KCNC3: variants seen among roughly 807,000 people sequenced by gnomAD.
KCNC3 encodes potassium voltage-gated channel subfamily C member 3.
In KCNC3, 22 loss-of-function variants were observed where a neutral mutation model predicts 43.9. That is an observed-to-expected ratio of 0.50 (90% CI 0.36 to 0.72). The LOEUF (loss-of-function observed/expected upper bound fraction) is 0.72. Among genes scored for constraint, KCNC3 ranks in the 30% least tolerant of loss-of-function variants. The pLI is 0.00. For synonymous variants in KCNC3, 492 were observed against 488.0 expected (o/e 1.01, Z -0.11); for missense variants, 829 against 1,073.8 (o/e 0.77, Z 3.19).
chr19:50,333,480 A>AC (rs1231063390), upstream of KCNC3: 2 of 198,170 alleles, frequency 1.0e-5, no homozygotes, highest in South Asian at 7.7e-5. Flanking sequence ...AATTACAGCC[A>AC]CCCCCGACTG....
At position 50,317,206 on chromosome 19, in the gene KCNC3, G is replaced by A. The variant is rs904620688; in HGVS notation, c.*24-1115C>T. Among the ~76,000 whole-genome samples, 12 of 147,034 alleles carry A rather than the reference G, an allele frequency of 8.2e-5. No individual in the cohort carries two copies. In the East Asian group the frequency reaches 1.8e-3, roughly 22 times the overall value. ...TAATGAGCTGGAAATGGACAATGAC[G>A]GGGAGGTTACAAAAAGGAGAGGTGG... On this transcript the variant is annotated intron_variant, in intron 4 of 4. Coordinates refer to ENST00000477616, the MANE Select transcript of KCNC3 (RefSeq NM_004977.3).
At chr19:50,328,067 A>G in intron 1 of KCNC3, 146 bp downstream of exon 1, 1 of 395,694 alleles carries the variant, frequency 2.5e-6, no homozygotes, top group Non-Finnish European at 3.7e-6. Context: ...GGAGGAGCCC[A>G]GGAGACTCAG....
In KCNC3 at chr19:50,329,102, G is replaced by A; in HGVS notation, c.-20C>T. On this transcript the variant is annotated 5_prime_UTR_variant, in exon 1 of 5. Coordinates refer to ENST00000477616, the MANE Select transcript of KCNC3 (RefSeq NM_004977.3). ...CAGCATTGGACGGGGGGCGGGGCGG[G>A]AGGGGCGGGGACGCAGGGGCGGGGA... is the stretch of plus-strand genomic sequence containing the variant. The A allele has an allele frequency of 1.8e-6, 1 of 561,498 alleles. No homozygotes were observed. Among genetic ancestry groups the A allele is most frequent in the Non-Finnish European group, 2.7e-6 (1 of 371,962 alleles). 34.8% of individuals were successfully genotyped at this position (561,498 alleles called of 1,614,324 possible). A position where few individuals can be genotyped will look rare whatever the true frequency, so the allele number is the denominator to read the frequency against.
rs2036924321 is a variant in KCNC3, at chr19:50,314,771, C to A, written c.*1344G>T. The stretch of plus-strand genomic sequence containing the variant: ...GACTTTTTGATTTTTTTTAAAAAAA[C>A]CCTTTTCCCCACCCCCCACCCCCAG... On this transcript the variant is annotated 3_prime_UTR_variant, in exon 5 of 5. Coordinates refer to ENST00000477616, the MANE Select transcript of KCNC3 (RefSeq NM_004977.3). 1 of 427,132 alleles carries A rather than the reference C, an allele frequency of 2.3e-6. No individual in the cohort carries two copies. The highest frequency in any genetic ancestry group is 4.7e-6 in the Non-Finnish European group (1 of 214,836). The allele number at this position is 427,132 out of a possible 1,614,324, so 26.5% of individuals were successfully genotyped here. A position where few individuals can be genotyped will look rare whatever the true frequency, so the allele number is the denominator to read the frequency against.
In KCNC3 at chr19:50,312,610, T is replaced by G. The variant is rs2036895073; in HGVS notation, c.*3505A>C. 6.6e-6 allele frequency: 1 copy of G among 152,198 alleles called. No homozygotes were observed. Among genetic ancestry groups the G allele is most frequent in the Non-Finnish European group, 1.5e-5 (1 of 68,044 alleles). 9.4% of individuals were successfully genotyped at this position (152,198 alleles called of 1,614,324 possible). A position where few individuals can be genotyped will look rare whatever the true frequency, so the allele number is the denominator to read the frequency against. ...GTGGGAGGGGAGGAGAATCACGTTT[T>G]GTAGAAGTTTATCATGATTGTGGTT... On this transcript the variant is annotated 3_prime_UTR_variant, in exon 5 of 5. Transcript: ENST00000477616.
chr19:50,326,482 C>T (rs2037107514), intron 1 of KCNC3, among the ~76,000 whole-genome samples: 1 of 152,108 alleles, frequency 6.6e-6, no homozygotes, highest in Admixed American at 6.5e-5. Context: ...CAGGCGTCCC[C>T]CCGCTCCCTC....
In KCNC3 at chr19:50,323,079, C is replaced by T. The variant is rs913429586; in HGVS notation, c.1874G>A (p.Arg625Lys). ...AGPHTHPGLLRGGAGGLGIMG... is the reference protein window; with the variant it reads ...AGPHTHPGLLKGGAGGLGIMG... ...GATCCCCAGCCCACCCGCTCCCCCCCTGAGCAGCCCGGGGTGCGTGTGGGG... is the reference window on the plus strand; with the variant it reads ...GATCCCCAGCCCACCCGCTCCCCCCTTGAGCAGCCCGGGGTGCGTGTGGGG... The change falls in exon 2 of 5, where the codon AGG becomes AAG. Residue 625 changes from arginine to lysine, a missense_variant. By Grantham distance (26) the Arg-to-Lys change is conservative (BLOSUM62 2). This residue lies in a region of KCNC3 where 308 missense variants were observed against 276.2 expected (regional missense o/e 1.11). Coordinates refer to ENST00000477616, the MANE Select transcript of KCNC3 (RefSeq NM_004977.3). 1 of 1,540,024 alleles carries T rather than the reference C, an allele frequency of 6.5e-7. No individual in the cohort carries two copies. Among genetic ancestry groups the T allele is most frequent in the Non-Finnish European group, 8.7e-7 (1 of 1,143,736 alleles).
chr19:50,317,888 C>A (rs2036977228), intron 4 of KCNC3, among the ~76,000 whole-genome samples: 1 of 152,196 alleles, frequency 6.6e-6, no homozygotes, highest in Non-Finnish European at 1.5e-5. Context: ...GCCTCCCAGA[C>A]TCCTGGGCTC....
At chr19:50,321,132 G>A (rs1010015792) in intron 2 of KCNC3, among the ~76,000 whole-genome samples, 1 of 151,912 alleles carries the variant, frequency 6.6e-6, no homozygotes, top group Non-Finnish European at 1.5e-5. Flanking sequence ...GCCAGGTGTG[G>A]GGTGCCAGGA....
chr19:50,312,553 C>G lies in KCNC3; in HGVS notation c.*3562G>C, dbSNP rs551146962. On this transcript the variant is annotated 3_prime_UTR_variant, in exon 5 of 5. Coordinates refer to ENST00000477616, the MANE Select transcript of KCNC3 (RefSeq NM_004977.3). ...TCCCTTTAGCTCGCTCTCTCCCTCCCCGAATCCCACACTATTGACTTGGGG... is the reference window on the plus strand; with the variant it reads ...TCCCTTTAGCTCGCTCTCTCCCTCCGCGAATCCCACACTATTGACTTGGGG... The G allele has an allele frequency of 3.3e-4, 51 of 152,338 alleles. No individual in the cohort carries two copies. The highest frequency in any genetic ancestry group is 1.2e-3 in the African/African-American group (48 of 41,554). 9.4% of individuals were successfully genotyped at this position (152,338 alleles called of 1,614,324 possible). A position where few individuals can be genotyped will look rare whatever the true frequency, so the allele number is the denominator to read the frequency against.
rs115192757 is a variant in KCNC3 at position 50,314,995 on chromosome 19, G to C, written c.*1120C>G. 0.071 allele frequency: 19,652 copies of C among 276,556 alleles called. 925 individuals carry two copies. The highest frequency in any genetic ancestry group is 0.14 in the African/African-American group (5,980 of 42,274). The allele number at this position is 276,556 out of a possible 1,614,324, so 17.1% of individuals were successfully genotyped here. On this transcript the variant is annotated 3_prime_UTR_variant, in exon 5 of 5. Coordinates refer to ENST00000477616, the MANE Select transcript of KCNC3 (RefSeq NM_004977.3). ...GGCTGCGGGATTTCTCGTAACCTGG[G>C]GGGTGGGGAGGTGTGCAGACACAGG...
intron 3 of KCNC3, 104 bp downstream of exon 3, chr19:50,320,489 G>C: frequency 9.0e-7 from 1 of 1,112,204 alleles, no homozygotes; most frequent in Non-Finnish European, 1.3e-6. Flanking sequence ...AAGGGAAGGG[G>C]GAAGGGAAGT....
At chr19:50,319,462 G>A (rs2036998879) in intron 4 of KCNC3, among the ~76,000 whole-genome samples, 1 of 152,096 alleles carries the variant, frequency 6.6e-6, no homozygotes. Flanking sequence ...ATCTACCTGA[G>A]AATCCTCCCT....
intron 4 of KCNC3, among the ~76,000 whole-genome samples, chr19:50,318,100 T>C (rs1192894078): frequency 6.6e-6 from 1 of 151,662 alleles, no homozygotes; most frequent in African/African-American, 2.4e-5. Context: ...GCCAGACCTC[T>C]TTAACTGAAG....
At position 50,328,246 on chromosome 19, in the gene KCNC3, G is replaced by A. The variant is rs1383259303; in HGVS notation, c.837C>T (p.Leu279=). Residue 279 remains leucine, a synonymous_variant, in exon 1 of 5, where the codon CTC becomes CTT. Coordinates refer to ENST00000477616, the MANE Select transcript of KCNC3 (RefSeq NM_004977.3). ...CCCGCGACGAGTAGGGGTCCTCGAA[G>A]AGCGCCCACACGCGGGGCTGCCAGC... The part of the protein sequence containing the change: ...WRRWQPRVWA[L]FEDPYSSRAA... The A allele has an allele frequency of 8.3e-7, 1 of 1,202,112 alleles. No individual in the cohort carries two copies. Among genetic ancestry groups the A allele is most frequent in the Non-Finnish European group, 1.0e-6 (1 of 969,120 alleles). The allele number at this position is 1,202,112 out of a possible 1,614,324, so 74.5% of individuals were successfully genotyped here. A position where few individuals can be genotyped will look rare whatever the true frequency, so the allele number is the denominator to read the frequency against.
In KCNC3 at chr19:50,324,311, G is replaced by A. The variant is rs1266771275; in HGVS notation, c.871-229C>T. On this transcript the variant is annotated intron_variant, in intron 1 of 4. Coordinates refer to ENST00000477616, the MANE Select transcript of KCNC3 (RefSeq NM_004977.3). The surrounding 1 kb of genome is among the most constrained non-coding windows in gnomAD (Gnocchi z 4.1). Reference sequence around the variant, plus strand: ...AACAGAGGCAGTTGGAGAAGAGCTGGCCCCAGCAGACGCAGCAGATGGGCA... The same window carrying A: ...AACAGAGGCAGTTGGAGAAGAGCTGACCCCAGCAGACGCAGCAGATGGGCA... 6.6e-6 allele frequency among the ~76,000 whole-genome samples: 1 copy of A among 152,220 alleles called. No homozygotes were observed. The highest frequency in any genetic ancestry group is 1.5e-5 in the Non-Finnish European group (1 of 68,040).
At chr19:50,329,913 G>A (rs1006898705), upstream of KCNC3, 2 of 152,534 alleles carry the variant, frequency 1.3e-5, no homozygotes, top group African/African-American at 2.4e-5. Context: ...GCTGGGCCCG[G>A]AGAATGAGTG....
In KCNC3 at chr19:50,315,827, C is replaced by G. The variant is rs1007862494; in HGVS notation, c.*288G>C. The G allele has an allele frequency of 3.8e-6, 1 of 261,870 alleles. No individual in the cohort carries two copies. The highest frequency in any genetic ancestry group is 7.6e-6 in the Non-Finnish European group (1 of 131,004). The allele number at this position is 261,870 out of a possible 1,614,324, so 16.2% of individuals were successfully genotyped here. ...TCTCACAGCTAATGGGACTCAAGAT[C>G]CAGCAACAGTGTGTGTGGTTTCTGC... is the stretch of plus-strand genomic sequence containing the variant. On this transcript the variant is annotated 3_prime_UTR_variant, in exon 5 of 5. Coordinates refer to ENST00000477616, the MANE Select transcript of KCNC3 (RefSeq NM_004977.3).
intron 2 of KCNC3, 146 bp from the exon 3 acceptor site, chr19:50,320,930 A>C: frequency 1.7e-6 from 1 of 579,332 alleles, no homozygotes; most frequent in African/African-American, 2.0e-5. Flanking sequence ...GGGCAGGGTG[A>C]TGGGAAGGAG....
Sources: allele counts gnomAD v4.1 joint callset (sites outside exome capture counted in the v4.1 genomes callset), GRCh38; gene constraint gnomAD v4.1.1; regional missense constraint gnomAD v4.1.1; non-coding constraint Gnocchi (gnomAD v3.1); transcripts MANE v1.5; gene names NCBI Gene and HGNC (gene_info 2026-07-23, HGNC 2026-07-21).